The following SLC35F2 variants were observed in gnomAD, a reference collection of about 807,000 sequenced individuals.
The protein encoded by SLC35F2 is queuine/queuosine transporter SLC35F2.
SLC35F2 carries 25 observed loss-of-function variants against 38.1 expected under a neutral mutation model. The observed-to-expected ratio is 0.66, with a 90% confidence interval of 0.48 to 0.92. SLC35F2 has a LOEUF of 0.92. SLC35F2 is among the 40% of genes least tolerant of loss of function. SLC35F2 has a pLI of 0.00. For synonymous variants in SLC35F2, 173 were observed against 181.7 expected, an observed-to-expected ratio of 0.95 and a Z score of 0.38; for missense variants, 409 against 452.9, an observed-to-expected ratio of 0.90 and a Z score of 0.88.
chr11:107,847,510 C>T (rs1860117989), intron 1 of SLC35F2, among the ~76,000 whole-genome samples: 1 of 152,142 alleles, frequency 6.6e-6, no homozygotes, highest in Non-Finnish European at 1.5e-5. Flanking sequence ...TCATACATAT[C>T]ATGGGAGGAA....
chr11:107,837,793 T>C (rs1167591047), intron 1 of SLC35F2, among the ~76,000 whole-genome samples: 1 of 152,124 alleles, frequency 6.6e-6, no homozygotes, highest in Non-Finnish European at 1.5e-5. Flanking sequence ...GACATTTTGG[T>C]TGCAATCCTC....
Position 107,802,981 on chromosome 11 carries a change from A to T in SLC35F2, c.939+20T>A. On this transcript the variant is annotated intron_variant, in intron 7 of 7. Transcript: ENST00000525815. ...GGATCCAAGCAAGTATTCTTATTTG[A>T]ACGTGATCTATTTGTTTACCTTATA... 1 of 1,588,778 alleles carries T rather than the reference A, an allele frequency of 6.3e-7. No individual in the cohort carries two copies. Among genetic ancestry groups the T allele is most frequent in the Non-Finnish European group, 8.5e-7 (1 of 1,170,756 alleles).
At chr11:107,852,147 G>A (rs565867275) in intron 1 of SLC35F2, among the ~76,000 whole-genome samples, 2 of 152,352 alleles carry the variant, frequency 1.3e-5, no homozygotes, top group Admixed American at 1.3e-4. Flanking sequence ...GCCAGGCGTG[G>A]TGGCTCAGGC....
intron 2 of SLC35F2, among the ~76,000 whole-genome samples, chr11:107,812,284 G>C (rs1329751696): frequency 6.6e-6 from 1 of 152,188 alleles, no homozygotes; most frequent in Non-Finnish European, 1.5e-5. Context: ...ACCAGAGTTA[G>C]ATTTTTTTCT....
intron 1 of SLC35F2, among the ~76,000 whole-genome samples, chr11:107,844,317 T>C (rs1450918377): frequency 1.3e-5 from 2 of 152,234 alleles, no homozygotes; most frequent in African/African-American, 2.4e-5. Context: ...TATAGTATTA[T>C]AATACCTGCC....
chr11:107,797,691 T>C (rs1395761205), intron 7 of SLC35F2, among the ~76,000 whole-genome samples: 3 of 152,204 alleles, frequency 2.0e-5, no homozygotes, highest in African/African-American at 7.2e-5. Flanking sequence ...GATGCTCAAT[T>C]ATTTCTTAAC....
At chr11:107,825,928 G>A in intron 1 of SLC35F2, among the ~76,000 whole-genome samples, 1 of 152,096 alleles carries the variant, frequency 6.6e-6, no homozygotes, top group East Asian at 1.9e-4. Flanking sequence ...GAGAGTTTGG[G>A]GGTGCTGATT....
intron 2 of SLC35F2, among the ~76,000 whole-genome samples, chr11:107,815,008 G>A (rs1313811265): frequency 6.6e-6 from 1 of 152,022 alleles, no homozygotes; most frequent in Non-Finnish European, 1.5e-5. Flanking sequence ...AACCCAGGAG[G>A]CGGAGGTTGC....
chr11:107,842,287 T>TAAAAAAAAAAAA (rs1292690214), intron 1 of SLC35F2, among the ~76,000 whole-genome samples: 119 of 71,174 alleles, frequency 1.7e-3, no homozygotes, highest in East Asian at 2.7e-3. Flanking sequence ...AAAAAAAAAT[T>TAAAAAAAAAAAA]AAAGCTTGAC....
chr11:107,808,037 C>G (rs537353862), intron 3 of SLC35F2, among the ~76,000 whole-genome samples: 2 of 152,122 alleles, frequency 1.3e-5, no homozygotes, highest in Admixed American at 6.6e-5. Context: ...TAGGAGCACA[C>G]AAAGCTAGAA....
At chr11:107,843,869 ATATATATATAT>A (rs1226458695) in intron 1 of SLC35F2, among the ~76,000 whole-genome samples, 498 of 37,580 alleles carry the variant, frequency 0.013, 14 homozygotes, top group African/African-American at 0.052. Flanking sequence ...AAAAAAAAAA[ATATATATATAT>A]ATATATATAT....
intron 1 of SLC35F2, among the ~76,000 whole-genome samples, chr11:107,850,027 T>A (rs1860153545): frequency 6.6e-6 from 1 of 152,230 alleles, no homozygotes; most frequent in Non-Finnish European, 1.5e-5. Context: ...CTCCTTGGGC[T>A]AATGGGCTGT....
chr11:107,858,430 C>T, intron 1 of SLC35F2: 1 of 390,852 alleles, frequency 2.6e-6, no homozygotes. Flanking sequence ...AAATACATCG[C>T]CACGATTTCG....
intron 1 of SLC35F2, among the ~76,000 whole-genome samples, chr11:107,843,483 G>A (rs1362496278): frequency 2.0e-5 from 3 of 151,538 alleles, no homozygotes; most frequent in Non-Finnish European, 2.9e-5. Context: ...CCAAGAGGTG[G>A]AGATTACAGT....
intron 1 of SLC35F2, among the ~76,000 whole-genome samples, chr11:107,831,060 C>T (rs992825723): frequency 6.6e-6 from 1 of 152,120 alleles, no homozygotes; most frequent in African/African-American, 2.4e-5. Flanking sequence ...TCATATTCCT[C>T]TTTGTTTATC....
intron 2 of SLC35F2, among the ~76,000 whole-genome samples, chr11:107,812,468 G>T (rs1033372108): frequency 2.0e-5 from 3 of 151,994 alleles, no homozygotes; most frequent in Non-Finnish European, 2.9e-5. Context: ...CTGGAGCCCA[G>T]GATTTCAAGA....
chr11:107,811,841 C>A, intron 2 of SLC35F2, 47 bp from the exon 3 acceptor site: 1 of 1,530,680 alleles, frequency 6.5e-7, no homozygotes, highest in East Asian at 2.3e-5. Flanking sequence ...GCAAATGATA[C>A]CATACATGTT....
intron 1 of SLC35F2, among the ~76,000 whole-genome samples, chr11:107,833,133 TCA>T (rs1259117048): frequency 6.6e-6 from 1 of 152,196 alleles, no homozygotes; most frequent in African/African-American, 2.4e-5. Flanking sequence ...TTATAGTGTC[TCA>T]CAGTTTACAA....
At chr11:107,846,305 T>C (rs145737731) in intron 1 of SLC35F2, among the ~76,000 whole-genome samples, 1 of 152,306 alleles carries the variant, frequency 6.6e-6, no homozygotes, top group Admixed American at 6.5e-5. Flanking sequence ...AACGTATTGT[T>C]GCCTCTCAGC....
Sources: allele counts gnomAD v4.1 joint callset (sites outside exome capture counted in the v4.1 genomes callset), GRCh38; gene constraint gnomAD v4.1.1; transcripts MANE v1.5; gene names NCBI Gene and HGNC (gene_info 2026-07-23, HGNC 2026-07-21).